NMI: variants seen among roughly 807,000 people sequenced by gnomAD.
NMI encodes the protein N-myc and STAT interactor.
In NMI, 39 loss-of-function variants were observed where a neutral mutation model predicts 34.3. The observed-to-expected ratio is 1.14, with a 90% confidence interval of 0.88 to 1.49. The LOEUF is 1.49. Ranked by LOEUF, NMI falls within the 40% of genes most tolerant of loss-of-function variation. The pLI is 0.00. For synonymous variants in NMI, 113 were observed against 120.3 expected (o/e 0.94, Z 0.40); for missense variants, 339 against 358.1 (o/e 0.95, Z 0.43).
At chr2:151,288,403 G>A (rs1347466523) in intron 1 of NMI, among the ~76,000 whole-genome samples, 1 of 152,158 alleles carries the variant, frequency 6.6e-6, no homozygotes, top group East Asian at 1.9e-4. Context: ...TGGAGGAAGG[G>A]CTGCTGAGCC....
In NMI at chr2:151,270,534, CAAAG is replaced by C. The variant is rs1683164244; in HGVS notation, c.*155_*158del. 9.5e-6 allele frequency: 6 copies of C among 629,146 alleles called. No individual in the cohort carries two copies. The East Asian group carries it at 1.4e-4, about 15-fold the overall frequency. The allele number at this position is 629,146 out of a possible 1,614,324, so 39.0% of individuals were successfully genotyped here. On this transcript the variant is annotated 3_prime_UTR_variant, in exon 8 of 8. Transcript: ENST00000243346. ...TGAAAACATGCAGCACCATTTGAAACAAAGAAGATTCAGAAACATGGAAATAAGT... is the reference window on the plus strand; with the variant it reads ...TGAAAACATGCAGCACCATTTGAAACAAGATTCAGAAACATGGAAATAAGT...
At chr2:151,284,852 C>T (rs903855348) in intron 1 of NMI, among the ~76,000 whole-genome samples, 2 of 152,160 alleles carry the variant, frequency 1.3e-5, no homozygotes, top group African/African-American at 4.8e-5. Context: ...AAATAAAAGA[C>T]ATCTATTCCT....
At chr2:151,272,824 G>A (rs964807002) in intron 6 of NMI, among the ~76,000 whole-genome samples, 3 of 152,064 alleles carry the variant, frequency 2.0e-5, no homozygotes, top group Non-Finnish European at 4.4e-5. Context: ...ACCAAAATAA[G>A]ACAGACAGGA....
intron 1 of NMI, among the ~76,000 whole-genome samples, chr2:151,287,011 T>C (rs1163018567): frequency 1.3e-5 from 2 of 152,134 alleles, no homozygotes; most frequent in East Asian, 1.9e-4. Context: ...TCCAAGACAC[T>C]ATCAGGACAA....
At chr2:151,273,301 CA>C (rs2105202091) in intron 6 of NMI, among the ~76,000 whole-genome samples, 1 of 152,236 alleles carries the variant, frequency 6.6e-6, no homozygotes, top group African/African-American at 2.4e-5. Context: ...CAGTAAGACA[CA>C]GTTTATGAAG....
intron 6 of NMI, among the ~76,000 whole-genome samples, chr2:151,274,624 C>T (rs561779167): frequency 5.3e-5 from 8 of 149,830 alleles, no homozygotes; most frequent in African/African-American, 9.8e-5. Flanking sequence ...TACAGGCATG[C>T]GCCACCACAC....
intron 6 of NMI, among the ~76,000 whole-genome samples, chr2:151,272,762 T>C (rs1249208395): frequency 7.2e-5 from 11 of 152,186 alleles, no homozygotes; most frequent in Admixed American, 7.2e-4. Context: ...TTAAAAAGGA[T>C]GAAATTCTGA....
intron 1 of NMI, among the ~76,000 whole-genome samples, chr2:151,284,490 G>T (rs1156442259): frequency 6.6e-6 from 1 of 151,906 alleles, no homozygotes; most frequent in Non-Finnish European, 1.5e-5. Context: ...GTAGAGATGT[G>T]TTTTCGCCAA....
At chr2:151,274,485 T>G (rs962852179) in intron 6 of NMI, among the ~76,000 whole-genome samples, 20 of 88,764 alleles carry the variant, frequency 2.3e-4, no homozygotes, top group Non-Finnish European at 3.9e-4. Flanking sequence ...TCTCTTTTTG[T>G]TTTTTTTTGA....
At chr2:151,284,066 A>G (rs2105211115) in intron 1 of NMI, among the ~76,000 whole-genome samples, 1 of 152,234 alleles carries the variant, frequency 6.6e-6, no homozygotes, top group East Asian at 1.9e-4. Flanking sequence ...TTTCAATACA[A>G]TTGATTTCTG....
At chr2:151,274,312 C>T (rs1257057043) in intron 6 of NMI, among the ~76,000 whole-genome samples, 2 of 121,830 alleles carry the variant, frequency 1.6e-5, no homozygotes, top group African/African-American at 6.5e-5. Flanking sequence ...CACTGCACTC[C>T]AGCCCGGGCG....
Position 151,284,716 on chromosome 2 carries a change from A to G in NMI, c.-6-1762T>C, listed in dbSNP as rs1353764738. 2.0e-5 allele frequency among the ~76,000 whole-genome samples: 3 copies of G among 151,326 alleles called. No homozygotes were observed. In the East Asian group the frequency reaches 5.8e-4, roughly 29 times the overall value. On this transcript the variant is annotated intron_variant, in intron 1 of 7. Coordinates refer to ENST00000243346, the MANE Select transcript of NMI (RefSeq NM_004688.3). Reference sequence around the variant, plus strand: ...ACATATGAATTTACTGAGATGAAAAACTCTCAGATCAAAAATGGGACAAAG... The same window carrying G: ...ACATATGAATTTACTGAGATGAAAAGCTCTCAGATCAAAAATGGGACAAAG...
Position 151,275,963 on chromosome 2 carries a change from C to A in NMI, c.341-99G>T. 4.9e-6 allele frequency: 4 copies of A among 819,058 alleles called. No homozygotes were observed. In the South Asian group the frequency reaches 5.8e-5, roughly 12 times the overall value. The allele number at this position is 819,058 out of a possible 1,614,324, so 50.7% of individuals were successfully genotyped here. A position where few individuals can be genotyped will look rare whatever the true frequency, so the allele number is the denominator to read the frequency against. On this transcript the variant is annotated intron_variant, in intron 4 of 7. Transcript: ENST00000243346. ...AATTATCCTGAATATTTTTAATTTT[C>A]TTTAATATTAAAGGGTCTAATTTTA...
intron 1 of NMI, among the ~76,000 whole-genome samples, chr2:151,286,430 C>T (rs561856875): frequency 6.6e-6 from 1 of 152,256 alleles, no homozygotes; most frequent in South Asian, 2.1e-4. Context: ...CAACTGGATC[C>T]TTTTGCTATC....
At chr2:151,278,725 A>G in intron 4 of NMI, 103 bp downstream of exon 4, 1 of 898,248 alleles carries the variant, frequency 1.1e-6, no homozygotes, top group Non-Finnish European at 1.7e-6. Flanking sequence ...CACTATGAGG[A>G]TAAGAAATAA....
intron 1 of NMI, among the ~76,000 whole-genome samples, chr2:151,285,577 G>C (rs1272467425): frequency 7.1e-6 from 1 of 141,082 alleles, no homozygotes; most frequent in Non-Finnish European, 1.5e-5. Flanking sequence ...GACAGAGTGA[G>C]ACTCCATCTC....
intron 3 of NMI, among the ~76,000 whole-genome samples, chr2:151,279,458 T>A (rs1296990051): frequency 1.3e-5 from 2 of 152,034 alleles, no homozygotes; most frequent in Non-Finnish European, 2.9e-5. Flanking sequence ...AGAAAGACTC[T>A]AGAATTAGAT....
chr2:151,275,558 C>T lies in NMI; in HGVS notation c.560G>A (p.Gly187Glu). The change falls in exon 6 of 8, where the codon GGA becomes GAA. Residue 187 changes from glycine to glutamate, a missense_variant. Physicochemically the swap from Gly to Glu is moderately conservative, Grantham distance 98 (BLOSUM62 -2). Coordinates refer to ENST00000243346, the MANE Select transcript of NMI (RefSeq NM_004688.3). ...GTCCACGCGGTCCACCTCTCCGCCT[C>T]CATTTCGGGACTTTGAAAAGCTCAG... ...LELSFSKSRN[G>E]GGEVDRVDYD... 1 of 1,614,192 alleles carries T rather than the reference C, an allele frequency of 6.2e-7. No homozygotes were observed. Among genetic ancestry groups the T allele is most frequent in the African/African-American group, 1.3e-5 (1 of 75,056 alleles).
intron 1 of NMI, among the ~76,000 whole-genome samples, chr2:151,288,669 A>G (rs917363381): frequency 1.3e-5 from 2 of 152,126 alleles, no homozygotes; most frequent in African/African-American, 2.4e-5. Flanking sequence ...AACTGATACA[A>G]ATCAACATCA....
Sources: allele counts gnomAD v4.1 joint callset (sites outside exome capture counted in the v4.1 genomes callset), GRCh38; gene constraint gnomAD v4.1.1; transcripts MANE v1.5; gene names NCBI Gene and HGNC (gene_info 2026-07-23, HGNC 2026-07-21).